Variants in PLCL2 observed in about 807,000 individuals in gnomAD.
PLCL2 encodes the protein phospholipase C like 2, also known as inactive phospholipase C-like protein 2.
PLCL2 carries 4 observed loss-of-function variants against 79.6 expected under a neutral mutation model. That is an observed-to-expected ratio of 0.05 (90% CI 0.02 to 0.11). PLCL2 has a LOEUF of 0.11. PLCL2 is among the 10% of genes least tolerant of loss of function. PLCL2 has a pLI of 1.00. For missense variants in PLCL2, 895 were observed against 1,291.0 expected (o/e 0.69, Z 4.70); for synonymous variants, 484 against 457.7 (o/e 1.06, Z -0.73).
chr3:16,911,070 T>C (rs1009259258), intron 1 of PLCL2, among the ~76,000 whole-genome samples: 1 of 152,060 alleles, frequency 6.6e-6, no homozygotes, highest in Non-Finnish European at 1.5e-5. Context: ...CTGGCCAACA[T>C]GGTGAAACCC....
At chr3:16,910,758 C>A (rs1298610514) in intron 1 of PLCL2, among the ~76,000 whole-genome samples, 1 of 151,832 alleles carries the variant, frequency 6.6e-6, no homozygotes, top group Non-Finnish European at 1.5e-5. Flanking sequence ...GAAACACAAC[C>A]CCCCCTTTTC....
At chr3:16,920,183 G>A (rs574955898) in intron 1 of PLCL2, among the ~76,000 whole-genome samples, 278 of 152,226 alleles carry the variant, frequency 1.8e-3, no homozygotes, top group African/African-American at 6.3e-3. Context: ...ACTGTTGCAT[G>A]TAAATGGAAC....
intron 1 of PLCL2, among the ~76,000 whole-genome samples, chr3:16,888,259 C>T (rs922804227): frequency 5.3e-5 from 8 of 152,172 alleles, no homozygotes; most frequent in African/African-American, 1.9e-4. Context: ...ATTTGGTACT[C>T]CATCTGTTTT....
intron 1 of PLCL2, among the ~76,000 whole-genome samples, chr3:16,941,613 G>A (rs1302285011): frequency 2.0e-5 from 3 of 152,150 alleles, no homozygotes; most frequent in Admixed American, 2.0e-4. Context: ...ACTCTGCCTG[G>A]AATATCTTTC....
chr3:17,027,869 C>T (rs966747372), intron 3 of PLCL2, among the ~76,000 whole-genome samples: 7 of 152,142 alleles, frequency 4.6e-5, no homozygotes, highest in Non-Finnish European at 8.8e-5. Flanking sequence ...GAGGAAAAAG[C>T]CAGTGGAAAT....
At chr3:17,071,406 C>A (rs1306450717) in intron 5 of PLCL2, among the ~76,000 whole-genome samples, 1 of 151,914 alleles carries the variant, frequency 6.6e-6, no homozygotes, top group Non-Finnish European at 1.5e-5. Flanking sequence ...CCAGAATTAT[C>A]TACTATTAAC....
In PLCL2 at chr3:17,014,757, A is replaced by G. The variant is rs867225915; in HGVS notation, c.2864A>G (p.Asn955Ser). 3.7e-6 allele frequency: 6 copies of G among 1,614,130 alleles called. No homozygotes were observed. The highest frequency in any genetic ancestry group is 1.7e-4 in the Middle Eastern group (1 of 6,028). Residue 955 changes from asparagine to serine, a missense_variant, in exon 3 of 6, where the codon AAT becomes AGT. By Grantham distance (46) the Asn-to-Ser change is conservative. Transcript: ENST00000615277. ...CTGTGTGGCCTCTCCTCTGTGGCCA[A>G]TCTCATGCAGTGCATGTTGGCGGTG... ...KELCGLSSVA[N>S]LMQCMLAVSP...
intron 4 of PLCL2, among the ~76,000 whole-genome samples, chr3:17,059,510 A>C (rs1236934765): frequency 6.6e-6 from 1 of 151,588 alleles, no homozygotes; most frequent in Non-Finnish European, 1.5e-5. Context: ...GTATATATAC[A>C]CACATATACA....
At chr3:16,950,875 T>C (rs1272409170) in intron 1 of PLCL2, among the ~76,000 whole-genome samples, 2 of 152,192 alleles carry the variant, frequency 1.3e-5, no homozygotes, top group Non-Finnish European at 2.9e-5. Context: ...GTATTTCTGC[T>C]TGTTCTAGAT....
intron 1 of PLCL2, among the ~76,000 whole-genome samples, chr3:16,956,108 G>T (rs2063702420): frequency 6.6e-6 from 1 of 152,114 alleles, no homozygotes; most frequent in South Asian, 2.1e-4. Context: ...TCTTGTGCCA[G>T]TTTTCAAAGG....
At chr3:17,026,559 C>T (rs917560646) in intron 3 of PLCL2, among the ~76,000 whole-genome samples, 1 of 152,140 alleles carries the variant, frequency 6.6e-6, no homozygotes, top group Non-Finnish European at 1.5e-5. Flanking sequence ...TTATGTAATT[C>T]TGCGGCATGA....
intron 3 of PLCL2, among the ~76,000 whole-genome samples, chr3:17,026,916 C>T (rs1055827769): frequency 1.3e-5 from 2 of 151,516 alleles, no homozygotes; most frequent in East Asian, 3.9e-4. Flanking sequence ...GAAAAAAAAA[C>T]AAAACAAAAT....
At chr3:16,914,465 C>T (rs1265983965) in intron 1 of PLCL2, among the ~76,000 whole-genome samples, 2 of 150,678 alleles carry the variant, frequency 1.3e-5, no homozygotes, top group African/African-American at 2.4e-5. Context: ...ATTGGATTCT[C>T]AGCTTATAAA....
intron 1 of PLCL2, among the ~76,000 whole-genome samples, chr3:16,991,538 A>G (rs1314620389): frequency 6.6e-6 from 1 of 152,180 alleles, no homozygotes; most frequent in Non-Finnish European, 1.5e-5. Flanking sequence ...AGAAAAATTA[A>G]TTGATAAAGA....
At chr3:16,925,947 T>G (rs1697238627) in intron 1 of PLCL2, among the ~76,000 whole-genome samples, 1 of 152,168 alleles carries the variant, frequency 6.6e-6, no homozygotes, top group Non-Finnish European at 1.5e-5. Context: ...TGAAAAACTG[T>G]GAGATTGTTT....
At chr3:16,998,868 A>G (rs9845551) in intron 1 of PLCL2, among the ~76,000 whole-genome samples, 49,261 of 152,058 alleles carry the variant, frequency 0.32, 8,315 homozygotes, top group African/African-American at 0.33. Flanking sequence ...TGACTTTGAA[A>G]GCTTCCTGTT....
At chr3:17,084,662 G>A (rs746274081) in intron 5 of PLCL2, among the ~76,000 whole-genome samples, 19 of 152,138 alleles carry the variant, frequency 1.2e-4, no homozygotes, top group Non-Finnish European at 2.2e-4. Context: ...ATATCAACAG[G>A]CTAAAGAAGA....
intron 4 of PLCL2, among the ~76,000 whole-genome samples, chr3:17,057,275 A>G (rs1338252157): frequency 6.6e-6 from 1 of 152,128 alleles, no homozygotes; most frequent in Non-Finnish European, 1.5e-5. Context: ...TTAACTCAGC[A>G]TTTCTCAAAC....
rs1696230244 is a variant in PLCL2 at position 16,886,613 on chromosome 3, G to GAC, written c.327+1251_327+1252dup. 6.6e-6 allele frequency among the ~76,000 whole-genome samples: 1 copy of GAC among 152,214 alleles called. No individual in the cohort carries two copies. On this transcript the variant is annotated intron_variant, in intron 1 of 5. Coordinates refer to ENST00000615277, the MANE Select transcript of PLCL2 (RefSeq NM_001144382.2). This position sits in a 1 kb window ranked among gnomAD's most constrained non-coding sequence, Gnocchi z 4.2. ...TTTGCGCAGTTTATGTCTGGGCAAG[G>GAC]ACACAATTTGAAGGGTTTGGAGATG...
Sources: allele counts gnomAD v4.1 joint callset (sites outside exome capture counted in the v4.1 genomes callset), GRCh38; gene constraint gnomAD v4.1.1; non-coding constraint Gnocchi (gnomAD v3.1); transcripts MANE v1.5; gene names NCBI Gene and HGNC (gene_info 2026-07-23, HGNC 2026-07-21).